The following TM9SF4 variants were observed in gnomAD, a reference collection of about 807,000 sequenced individuals.
The protein encoded by TM9SF4 is dinucleotide oxidase disulfide thiol exchanger 3 superfamily member 4.
Under a neutral mutation model 90.4 loss-of-function variants are expected in TM9SF4, and 26 were observed. The ratio of observed to expected loss-of-function variants is 0.29; its 90% CI spans 0.21 to 0.40. The LOEUF (loss-of-function observed/expected upper bound fraction) is 0.40. Among genes scored for constraint, TM9SF4 ranks in the 10% least tolerant of loss-of-function variants. The probability of loss-of-function intolerance (pLI) is 1.00; values close to 1 mark genes in which losing one functional copy is unlikely to be tolerated. For missense variants in TM9SF4, 549 were observed against 834.8 expected, an observed-to-expected ratio of 0.66 and a Z score of 4.22; for synonymous variants, 293 against 315.4, an observed-to-expected ratio of 0.93 and a Z score of 0.75.
At chr20:32,109,909 T>C in intron 1 of TM9SF4, 154 bp downstream of exon 1, 1 of 1,476,194 alleles carries the variant, frequency 6.8e-7, no homozygotes, top group Non-Finnish European at 9.0e-7. Flanking sequence ...TTCCCCGAAA[T>C]CCACCTCCCT....
intron 3 of TM9SF4, among the ~76,000 whole-genome samples, chr20:32,141,231 AAAAAAAAAAAGG>A (rs2046672970): frequency 6.6e-6 from 1 of 150,866 alleles, no homozygotes; most frequent in Non-Finnish European, 1.5e-5. Context: ...AAAAAAAAAA[AAAAAAAAAAAGG>A]ATGTGATGCT....
At chr20:32,160,155 C>G in intron 16 of TM9SF4, 44 bp downstream of exon 16, 1 of 1,612,916 alleles carries the variant, frequency 6.2e-7, no homozygotes, top group Non-Finnish European at 8.5e-7. Flanking sequence ...AGAACTGGAT[C>G]CAGCATTGAA....
intron 1 of TM9SF4, among the ~76,000 whole-genome samples, chr20:32,125,254 A>G (rs1211230447): frequency 6.6e-6 from 1 of 152,198 alleles, no homozygotes; most frequent in Non-Finnish European, 1.5e-5. Context: ...CTATGTGCCA[A>G]GTGCTCTGTG....
At chr20:32,133,246 G>A (rs933533057) in intron 2 of TM9SF4, 120 bp downstream of exon 2, 5 of 809,434 alleles carry the variant, frequency 6.2e-6, no homozygotes, top group Non-Finnish European at 7.5e-6. Flanking sequence ...CAGTTACCCC[G>A]GAACTCTGCC....
chr20:32,135,035 G>A (rs551431467), intron 2 of TM9SF4, among the ~76,000 whole-genome samples: 1 of 152,230 alleles, frequency 6.6e-6, no homozygotes, highest in South Asian at 2.1e-4. Flanking sequence ...ACTTTTAGGT[G>A]GTGTATGAGG....
Position 32,149,675 on chromosome 20 carries a change from C to A in TM9SF4, c.996C>A (p.Gly332=). Residue 332 remains glycine (G), a synonymous_variant, in exon 10 of 18, where the codon GGC becomes GGA. Coordinates refer to ENST00000398022, the MANE Select transcript of TM9SF4 (RefSeq NM_014742.4). The part of the protein sequence containing the change: ...MEESGWKLVH[G]DVFRPPQYPM... Reference sequence around the variant, plus strand: ...AGTCTGGGTGGAAGTTGGTGCACGGCGACGTCTTCAGGCCCCCCCAGTACC... The same window carrying A: ...AGTCTGGGTGGAAGTTGGTGCACGGAGACGTCTTCAGGCCCCCCCAGTACC... 6.2e-7 allele frequency: 1 copy of A among 1,614,200 alleles called. No homozygotes were observed. The highest frequency in any genetic ancestry group is 8.5e-7 in the Non-Finnish European group (1 of 1,180,042).
At chr20:32,136,521 C>T (rs2046596563) in intron 3 of TM9SF4, among the ~76,000 whole-genome samples, 1 of 152,098 alleles carries the variant, frequency 6.6e-6, no homozygotes, top group Admixed American at 6.6e-5. Flanking sequence ...CTAGATAGCT[C>T]CTCTCTTGCG....
At chr20:32,109,799 T>G in intron 1 of TM9SF4, 44 bp downstream of exon 1, 1 of 1,551,260 alleles carries the variant, frequency 6.4e-7, no homozygotes, top group Non-Finnish European at 8.7e-7. Context: ...AGCGGGGCCC[T>G]CCGGGGTATC....
At chr20:32,160,701 A>G (rs1025681939) in intron 16 of TM9SF4, among the ~76,000 whole-genome samples, 1 of 152,180 alleles carries the variant, frequency 6.6e-6, no homozygotes, top group Non-Finnish European at 1.5e-5. Flanking sequence ...CTGTAATCCC[A>G]GCATTTTGAG....
chr20:32,117,684 G>A (rs2046247663), intron 1 of TM9SF4, among the ~76,000 whole-genome samples: 1 of 131,458 alleles, frequency 7.6e-6, no homozygotes, highest in Non-Finnish European at 1.5e-5. Flanking sequence ...CTTGATTCTT[G>A]GTTCTCTTGA....
intron 14 of TM9SF4, 50 bp downstream of exon 14, chr20:32,158,019 C>G (rs1276275275): frequency 6.2e-7 from 1 of 1,600,122 alleles, no homozygotes; most frequent in Admixed American, 1.7e-5. Context: ...AGAGGGTACG[C>G]CCCCCTCCGC....
intron 1 of TM9SF4, among the ~76,000 whole-genome samples, chr20:32,122,971 A>G (rs1255130953): frequency 3.3e-5 from 5 of 151,778 alleles, no homozygotes; most frequent in South Asian, 4.2e-4. Flanking sequence ...GCTGGAGACC[A>G]GCCCGGCCAA....
intron 12 of TM9SF4, 98 bp downstream of exon 12, chr20:32,150,973 G>A: frequency 7.0e-7 from 1 of 1,438,546 alleles, no homozygotes; most frequent in South Asian, 1.2e-5. Context: ...GGGATTTTTG[G>A]GCCAGAAGCT....
At chr20:32,154,371 G>A (rs570707935) in intron 12 of TM9SF4, among the ~76,000 whole-genome samples, 1 of 151,714 alleles carries the variant, frequency 6.6e-6, no homozygotes, top group East Asian at 2.0e-4. Flanking sequence ...AAACACCTGA[G>A]CTCAAGCGAT....
intron 3 of TM9SF4, among the ~76,000 whole-genome samples, chr20:32,140,647 A>G (rs895703031): frequency 6.6e-6 from 1 of 152,166 alleles, no homozygotes; most frequent in Non-Finnish European, 1.5e-5. Context: ...GGATACTGTT[A>G]TTATCCCATT....
chr20:32,141,046 T>G (rs2046667514), intron 3 of TM9SF4, among the ~76,000 whole-genome samples: 2 of 151,528 alleles, frequency 1.3e-5, no homozygotes, highest in South Asian at 4.2e-4. Context: ...TGAAACCCCG[T>G]CTCTACTAAA....
chr20:32,148,594 C>G (rs1017653486), intron 9 of TM9SF4, among the ~76,000 whole-genome samples: 1 of 150,308 alleles, frequency 6.7e-6, no homozygotes, highest in Non-Finnish European at 1.5e-5. Flanking sequence ...TTGTTTTGCA[C>G]AGCAATTCTT....
Position 32,165,594 on chromosome 20 carries a change from G to A in TM9SF4, c.*150G>A. 3 of 900,074 alleles carry A rather than the reference G, an allele frequency of 3.3e-6. No individual in the cohort carries two copies. Among genetic ancestry groups the A allele is most frequent in the Non-Finnish European group, 5.0e-6 (3 of 596,884 alleles). 55.8% of individuals were successfully genotyped at this position (900,074 alleles called of 1,614,324 possible). A position where few individuals can be genotyped will look rare whatever the true frequency, so the allele number is the denominator to read the frequency against. ...CCTGGATCCTGGGGCTGCGTGGGGG[G>A]CGGGAGGGCCTGTAGATAATCTTGC... On this transcript the variant is annotated 3_prime_UTR_variant, in exon 18 of 18. Transcript: ENST00000398022.
In TM9SF4 at chr20:32,161,263, G is replaced by C. The variant is rs1161590205; in HGVS notation, c.1690-13G>C. 2 of 1,612,740 alleles carry C rather than the reference G, an allele frequency of 1.2e-6. No homozygotes were observed. Among genetic ancestry groups the C allele is most frequent in the Admixed American group, 3.3e-5 (2 of 59,992 alleles). The stretch of plus-strand genomic sequence containing the variant: ...CCCAGGACAACACTGACCTTCCTCT[G>C]TTTCCTCCTCAGGATTACCGCTGGT... On this transcript the variant is annotated splice_polypyrimidine_tract_variant and intron_variant, in intron 16 of 17. Coordinates refer to ENST00000398022, the MANE Select transcript of TM9SF4 (RefSeq NM_014742.4).
Sources: gnomAD v4.1 joint callset for allele counts (sites outside exome capture counted in the v4.1 genomes callset) on GRCh38, gnomAD v4.1.1 for gene constraint, MANE v1.5 for transcripts, NCBI Gene and HGNC (gene_info 2026-07-23, HGNC 2026-07-21) for gene names.